Variants in TUFT1 observed in about 807,000 individuals in gnomAD.
The protein encoded by TUFT1 is tuftelin.
In TUFT1, 43 loss-of-function variants were observed where a neutral mutation model predicts 57.8. That is an observed-to-expected ratio of 0.74 (90% confidence interval 0.58 to 0.96). The LOEUF is 0.96. Among genes scored for constraint, TUFT1 ranks in the 40% least tolerant of loss-of-function variants. TUFT1 has a pLI of 0.00. For synonymous variants in TUFT1, 166 were observed against 176.7 expected, an observed-to-expected ratio of 0.94 and a Z score of 0.48; for missense variants, 459 against 489.0, an observed-to-expected ratio of 0.94 and a Z score of 0.58.
chr1:151,542,601 T>A (rs1451562928), intron 1 of TUFT1, among the ~76,000 whole-genome samples: 1 of 152,148 alleles, frequency 6.6e-6, no homozygotes, highest in Non-Finnish European at 1.5e-5. Flanking sequence ...GAGAAAATAA[T>A]GGACAAGGAA....
rs1183250616 is a variant in TUFT1 at position 151,564,633 on chromosome 1, TG to T, written c.414+21del. ...GATACAGGTAATAGGAAATGGTCCA[TG>T]GTTGGGTCCCCACCGAGGAGGTGGG... On this transcript the variant is annotated intron_variant, in intron 5 of 12. Coordinates refer to ENST00000368849, the MANE Select transcript of TUFT1 (RefSeq NM_020127.3). The T allele has an allele frequency of 1.2e-6, 2 of 1,605,680 alleles. No individual in the cohort carries two copies. The highest frequency in any genetic ancestry group is 3.3e-5 in the Admixed American group (2 of 59,960).
At chr1:151,552,216 G>C (rs1407508978) in intron 1 of TUFT1, among the ~76,000 whole-genome samples, 7 of 152,202 alleles carry the variant, frequency 4.6e-5, no homozygotes, top group Admixed American at 3.9e-4. Flanking sequence ...AAGTTCCATT[G>C]TATGAATATA....
chr1:151,565,957 C>T lies in TUFT1; in HGVS notation c.415-206C>T, dbSNP rs148850330. 1.3e-3 allele frequency: 593 copies of T among 469,820 alleles called. 4 individuals are homozygous for T. The highest frequency in any genetic ancestry group is 4.9e-3 in the Admixed American group (147 of 29,784). 29.1% of individuals were successfully genotyped at this position (469,820 alleles called of 1,614,324 possible). On this transcript the variant is annotated intron_variant, in intron 5 of 12. Transcript: ENST00000368849. ...GAACGCTAGAAATCTTTTCTTCTTTCGCTTCGTTCCTTCTTCCTCTTCTCC... is the reference window on the plus strand; with the variant it reads ...GAACGCTAGAAATCTTTTCTTCTTTTGCTTCGTTCCTTCTTCCTCTTCTCC...
chr1:151,562,544 A>ATCTCTCTCTC, intron 2 of TUFT1, 41 bp from the exon 3 acceptor site: 1 of 1,397,380 alleles, frequency 7.2e-7, no homozygotes, highest in Non-Finnish European at 1.0e-6. Context: ...TGTCTGAGCC[A>ATCTCTCTCTC]TCTCTCTCTC....
intron 9 of TUFT1, among the ~76,000 whole-genome samples, chr1:151,576,986 C>G (rs1309174383): frequency 1.3e-5 from 2 of 152,138 alleles, no homozygotes; most frequent in Non-Finnish European, 2.9e-5. Flanking sequence ...GTTGCCCAGG[C>G]TGGTCTCGAA....
chr1:151,581,059 AG>A lies in TUFT1; in HGVS notation c.1109+18del. The A allele has an allele frequency of 6.2e-7, 1 of 1,610,882 alleles. No homozygotes were observed. The highest frequency in any genetic ancestry group is 8.5e-7 in the Non-Finnish European group (1 of 1,177,200). ...CCCGGGCAGGTGAGTGAGCGTGTGTAGATAGAATGGGGCCAGGGAGGAGGGG... is the reference window on the plus strand; with the variant it reads ...CCCGGGCAGGTGAGTGAGCGTGTGTAATAGAATGGGGCCAGGGAGGAGGGG... On this transcript the variant is annotated intron_variant, in intron 12 of 12. Transcript: ENST00000368849.
At chr1:151,540,594 G>A in intron 1 of TUFT1, 168 bp downstream of exon 1, 1 of 705,092 alleles carries the variant, frequency 1.4e-6, no homozygotes, top group Non-Finnish European at 2.4e-6. Flanking sequence ...GACGGGCAGT[G>A]GGAGTCGCGG....
At chr1:151,556,455 C>G (rs72997978) in intron 1 of TUFT1, among the ~76,000 whole-genome samples, 1 of 151,664 alleles carries the variant, frequency 6.6e-6, no homozygotes. Flanking sequence ...GTAGCCCAGG[C>G]TGGAGTGCTG....
intron 8 of TUFT1, 45 bp downstream of exon 8, chr1:151,574,443 G>A: frequency 2.5e-6 from 4 of 1,610,990 alleles, no homozygotes; most frequent in Non-Finnish European, 3.4e-6. Context: ...TCCTGGGCTG[G>A]AAGGGGCCTG....
chr1:151,569,659 G>T lies in TUFT1; in HGVS notation c.483G>T (p.Val161=). The T allele has an allele frequency of 6.2e-7, 1 of 1,613,246 alleles. No individual in the cohort carries two copies. The highest frequency in any genetic ancestry group is 1.1e-5 in the South Asian group (1 of 90,998). Residue 161 remains valine, a splice_region_variant and synonymous_variant, in exon 7 of 13, where the codon GTG becomes GTT. Coordinates refer to ENST00000368849, the MANE Select transcript of TUFT1 (RefSeq NM_020127.3). ...PTALYSSPPE[V]DTCINEDVES... is the part of the protein sequence containing the mutation. ...TCCCTTCCTTGTTCTGGCTGTAGGT[G>T]GACACCTGTATAAATGAGGATGTTG...
chr1:151,561,950 A>C, intron 1 of TUFT1, 141 bp from the exon 2 acceptor site: 1 of 1,490,170 alleles, frequency 6.7e-7, no homozygotes, highest in Non-Finnish European at 9.1e-7. Context: ...GCCTCCCTGG[A>C]CTTCAGTTTT....
chr1:151,542,397 T>G (rs1455644211), intron 1 of TUFT1, among the ~76,000 whole-genome samples: 1 of 151,710 alleles, frequency 6.6e-6, no homozygotes, highest in Non-Finnish European at 1.5e-5. Flanking sequence ...AAAATTTTTT[T>G]TTTTTTTTTC....
chr1:151,579,111 A>AT (rs1176831068), intron 10 of TUFT1, among the ~76,000 whole-genome samples: 16 of 152,242 alleles, frequency 1.1e-4, no homozygotes, highest in African/African-American at 3.9e-4. Flanking sequence ...TAGTTGAGTC[A>AT]TAATAAACTC....
At chr1:151,581,088 A>G (rs766425579) in intron 12 of TUFT1, 46 bp downstream of exon 12, 5 of 1,550,638 alleles carry the variant, frequency 3.2e-6, no homozygotes, top group South Asian at 2.2e-5. Flanking sequence ...AGGAGGGGAG[A>G]AGGAGGGACA....
At chr1:151,561,473 G>GCGCGCACACACACACACACACACA (rs1265237275) in intron 1 of TUFT1, 1 of 314,262 alleles carries the variant, frequency 3.2e-6, no homozygotes, top group African/African-American at 2.5e-5. Flanking sequence ...GCGCGCGCGC[G>GCGCGCACACACACACACACACACA]CACACACACA....
At chr1:151,578,025 C>T (rs1666531409) in intron 9 of TUFT1, among the ~76,000 whole-genome samples, 1 of 149,962 alleles carries the variant, frequency 6.7e-6, no homozygotes, top group Non-Finnish European at 1.5e-5. Context: ...GACCCTGTCT[C>T]CGGAAAAAAA....
chr1:151,578,188 C>T (rs530094352), intron 9 of TUFT1, among the ~76,000 whole-genome samples: 1 of 152,276 alleles, frequency 6.6e-6, no homozygotes, highest in Admixed American at 6.5e-5. Context: ...TCCCTGGAAC[C>T]ATCTACCTGT....
intron 11 of TUFT1, among the ~76,000 whole-genome samples, chr1:151,580,577 A>G (rs1451878329): frequency 6.6e-6 from 1 of 150,426 alleles, no homozygotes; most frequent in Admixed American, 6.7e-5. Context: ...GGAGAGGATC[A>G]CTTGAACCCA....
In TUFT1 at chr1:151,582,161, A is replaced by G. The variant is rs1666664628; in HGVS notation, c.*454A>G. 2 of 459,426 alleles carry G rather than the reference A, an allele frequency of 4.4e-6. No homozygotes were observed. The highest frequency in any genetic ancestry group is 2.0e-5 in the African/African-American group (1 of 50,180). 28.5% of individuals were successfully genotyped at this position (459,426 alleles called of 1,614,324 possible). A position where few individuals can be genotyped will look rare whatever the true frequency, so the allele number is the denominator to read the frequency against. On this transcript the variant is annotated 3_prime_UTR_variant, in exon 13 of 13. Transcript: ENST00000368849. ...GAAGTTCCTTCCACAAACACAGCTCAGTTCTTAGCAACAAACTGTTTGTTT... is the reference window on the plus strand; with the variant it reads ...GAAGTTCCTTCCACAAACACAGCTCGGTTCTTAGCAACAAACTGTTTGTTT...
Sources: allele counts gnomAD v4.1 joint callset (sites outside exome capture counted in the v4.1 genomes callset), GRCh38; gene constraint gnomAD v4.1.1; transcripts MANE v1.5; gene names NCBI Gene and HGNC (gene_info 2026-07-23, HGNC 2026-07-21).